The following PBLD variants were observed in gnomAD, a reference collection of about 807,000 sequenced individuals.
The protein encoded by PBLD is phenazine biosynthesis-like domain-containing protein.
In PBLD, 26 loss-of-function variants were observed where a neutral mutation model predicts 31.3. The ratio of observed to expected loss-of-function variants is 0.83; its 90% CI spans 0.61 to 1.15. The LOEUF is 1.15. Among genes scored for constraint, PBLD ranks in the 50% most tolerant of loss-of-function variants. The pLI, the probability that PBLD is intolerant of heterozygous loss-of-function variation, is 0.00. For missense variants in PBLD, 307 were observed against 351.7 expected (o/e 0.87, Z 1.02); for synonymous variants, 114 against 129.0 (o/e 0.88, Z 0.79).
chr10:68,295,406 T>C (rs2134444400), intron 4 of PBLD, among the ~76,000 whole-genome samples: 1 of 150,532 alleles, frequency 6.6e-6, no homozygotes, highest in East Asian at 2.0e-4. Context: ...AGTGGGAGGA[T>C]GGCTTGAGCC....
chr10:68,299,624 G>T (rs2044478475), intron 2 of PBLD, among the ~76,000 whole-genome samples: 1 of 152,068 alleles, frequency 6.6e-6, no homozygotes, highest in African/African-American at 2.4e-5. Context: ...AGGAGGGCGA[G>T]GCGGGTAGAT....
intron 1 of PBLD, among the ~76,000 whole-genome samples, chr10:68,319,849 GT>G (rs1174237753): frequency 1.4e-5 from 2 of 145,916 alleles, no homozygotes; most frequent in African/African-American, 5.1e-5. Context: ...TTGAGATGGA[GT>G]TTCGCTCTTG....
intron 1 of PBLD, among the ~76,000 whole-genome samples, chr10:68,320,336 C>A (rs1487954548): frequency 1.3e-5 from 2 of 152,074 alleles, no homozygotes; most frequent in Admixed American, 1.3e-4. Context: ...CAATTATAAA[C>A]ATATACACAC....
chr10:68,330,444 A>G (rs1320691071), intron 1 of PBLD, among the ~76,000 whole-genome samples: 1 of 152,114 alleles, frequency 6.6e-6, no homozygotes, highest in Non-Finnish European at 1.5e-5. Context: ...GACATTGAAG[A>G]TTGTCTACAA....
chr10:68,307,897 C>T (rs1033312840), intron 1 of PBLD, among the ~76,000 whole-genome samples: 3 of 151,882 alleles, frequency 2.0e-5, no homozygotes, highest in Non-Finnish European at 2.9e-5. Flanking sequence ...TTTAAAAGAA[C>T]GCATTTTTTC....
At chr10:68,296,481 T>A in intron 3 of PBLD, 117 bp from the exon 4 acceptor site, 1 of 711,998 alleles carries the variant, frequency 1.4e-6, no homozygotes, top group Non-Finnish European at 2.4e-6. Context: ...CAAAACATGT[T>A]GTAAAAGGAG....
Position 68,288,941 on chromosome 10 carries a change from C to T in PBLD, c.502G>A (p.Val168Ile), listed in dbSNP as rs760499244. 15 of 1,614,008 alleles carry T rather than the reference C, an allele frequency of 9.3e-6. No individual in the cohort carries two copies. Among genetic ancestry groups the T allele is most frequent in the Admixed American group, 3.3e-5 (2 of 59,998 alleles). ...TQKLLVRLSD[V>I]YNRSFLENLK... Reference sequence around the variant, plus strand: ...AGCCAAAAATCTTACCTGTTGTAAACGTCACTGAGGCGGACGAGGAGCTTT... The same window carrying T: ...AGCCAAAAATCTTACCTGTTGTAAATGTCACTGAGGCGGACGAGGAGCTTT... The change falls in exon 7 of 10, where the codon GTT (valine) becomes ATT (isoleucine). Residue 168 changes from valine (V) to isoleucine (I), a missense_variant. By Grantham distance (29) the Val-to-Ile change is conservative. Transcript: ENST00000358769.
chr10:68,286,226 T>A (rs577266570), intron 8 of PBLD, among the ~76,000 whole-genome samples: 2 of 152,148 alleles, frequency 1.3e-5, no homozygotes, highest in African/African-American at 2.4e-5. Flanking sequence ...TAGCTGGGAT[T>A]ACAGGCATGA....
chr10:68,325,337 G>A (rs891858431), intron 1 of PBLD, among the ~76,000 whole-genome samples: 1 of 151,130 alleles, frequency 6.6e-6, no homozygotes. Flanking sequence ...GCCAAGAGAG[G>A]TGGATCACTT....
chr10:68,312,073 TACC>T (rs2044676730), intron 1 of PBLD, among the ~76,000 whole-genome samples: 1 of 152,274 alleles, frequency 6.6e-6, no homozygotes, highest in African/African-American at 2.4e-5. Context: ...GCCATCTGTA[TACC>T]ACATTTTCTT....
At chr10:68,300,810 C>T (rs1056606461) in intron 2 of PBLD, among the ~76,000 whole-genome samples, 2 of 152,098 alleles carry the variant, frequency 1.3e-5, no homozygotes, top group African/African-American at 2.4e-5. Flanking sequence ...GGGGAGATTT[C>T]GGTGATTTGG....
At chr10:68,315,783 G>A (rs1258353349) in intron 1 of PBLD, among the ~76,000 whole-genome samples, 1 of 152,120 alleles carries the variant, frequency 6.6e-6, no homozygotes, top group Non-Finnish European at 1.5e-5. Flanking sequence ...TACCTGTCTG[G>A]CTGAGTGTCA....
intron 2 of PBLD, among the ~76,000 whole-genome samples, chr10:68,300,400 C>T (rs190433322): frequency 5.3e-4 from 80 of 152,266 alleles, no homozygotes; most frequent in African/African-American, 1.9e-3. Flanking sequence ...GGAAAACAAA[C>T]GTCTAGCAGA....
At chr10:68,325,353 G>A (rs2044902186) in intron 1 of PBLD, among the ~76,000 whole-genome samples, 1 of 150,176 alleles carries the variant, frequency 6.7e-6, no homozygotes, top group South Asian at 2.1e-4. Flanking sequence ...CACTTGAGGT[G>A]AGGAGTTTGA....
chr10:68,292,031 A>G lies in PBLD; in HGVS notation c.402T>C (p.His134=), dbSNP rs1240624642. 4 of 1,590,736 alleles carry G rather than the reference A, an allele frequency of 2.5e-6. No individual in the cohort carries two copies. The highest frequency in any genetic ancestry group is 3.5e-6 in the Non-Finnish European group (4 of 1,159,334). ...CAACCTTTATCAAGTCCTCTACTTC[A>G]TGGAAGTCCTAGATGGGGGGAAAAA... ...PLYPAHPQDF[H]EVEDLIKTAI... is the part of the protein sequence containing the mutation. The change falls in exon 6 of 10, where the codon CAT becomes CAC. Residue 134 remains histidine (H), a synonymous_variant. Transcript: ENST00000358769.
At chr10:68,295,160 A>G (rs573672906) in intron 4 of PBLD, among the ~76,000 whole-genome samples, 2 of 152,286 alleles carry the variant, frequency 1.3e-5, no homozygotes, top group East Asian at 3.9e-4. Flanking sequence ...AGGTGAATGT[A>G]TACAGTGGGG....
At chr10:68,296,648 T>C (rs979798679) in intron 3 of PBLD, among the ~76,000 whole-genome samples, 8 of 152,212 alleles carry the variant, frequency 5.3e-5, no homozygotes, top group African/African-American at 1.4e-4. Context: ...GGGGGCATTT[T>C]CCTTAAAGAT....
Position 68,311,540 on chromosome 10 carries a change from C to T in PBLD, c.-59-4637G>A, listed in dbSNP as rs996166156. Among the ~76,000 whole-genome samples, 7 of 151,768 alleles carry T rather than the reference C, an allele frequency of 4.6e-5. No individual in the cohort carries two copies. In the East Asian group the frequency reaches 5.8e-4, roughly 13 times the overall value. On this transcript the variant is annotated intron_variant, in intron 1 of 9. Coordinates refer to ENST00000358769, the MANE Select transcript of PBLD (RefSeq NM_022129.4). ...GGCGGGGCTTGCAGTGAGCGGAGATCGCGCCACTGCACTCCAGCCTGGGTG... is the reference window on the plus strand; with the variant it reads ...GGCGGGGCTTGCAGTGAGCGGAGATTGCGCCACTGCACTCCAGCCTGGGTG...
At chr10:68,289,085 G>T in intron 6 of PBLD, 66 bp from the exon 7 acceptor site, 1 of 1,247,230 alleles carries the variant, frequency 8.0e-7, no homozygotes, top group Non-Finnish European at 1.2e-6. Context: ...CCCCTGAAAT[G>T]GGAAATGACC....
Sources: allele counts gnomAD v4.1 joint callset (sites outside exome capture counted in the v4.1 genomes callset), GRCh38; gene constraint gnomAD v4.1.1; transcripts MANE v1.5; gene names NCBI Gene and HGNC (gene_info 2026-07-23, HGNC 2026-07-21).